NUGGC: variants seen among roughly 807,000 people sequenced by gnomAD.
The protein encoded by NUGGC is nuclear GTPase SLIP-GC.
NUGGC carries 58 observed loss-of-function variants against 92.6 expected under a neutral mutation model. The ratio of observed to expected loss-of-function variants is 0.63; its 90% CI spans 0.51 to 0.78. NUGGC has a LOEUF of 0.78. Among genes scored for constraint, NUGGC ranks in the 30% least tolerant of loss-of-function variants. NUGGC has a pLI of 0.00. For synonymous variants in NUGGC, 376 were observed against 366.4 expected, an observed-to-expected ratio of 1.03 and a Z score of -0.30; for missense variants, 925 against 964.6, an observed-to-expected ratio of 0.96 and a Z score of 0.54.
At chr8:28,047,222 G>C (rs1809862368) in intron 11 of NUGGC, among the ~76,000 whole-genome samples, 1 of 152,074 alleles carries the variant, frequency 6.6e-6, no homozygotes, top group Non-Finnish European at 1.5e-5. Context: ...TACCCACTTT[G>C]GCCTCCCAAA....
intron 13 of NUGGC, among the ~76,000 whole-genome samples, chr8:28,038,924 G>A (rs1809623202): frequency 6.6e-6 from 1 of 152,138 alleles, no homozygotes; most frequent in Non-Finnish European, 1.5e-5. Flanking sequence ...TGGCTGTGAG[G>A]ATGGGATAAG....
chr8:28,039,642 G>A (rs1222868130), intron 13 of NUGGC, among the ~76,000 whole-genome samples: 1 of 152,108 alleles, frequency 6.6e-6, no homozygotes, highest in Non-Finnish European at 1.5e-5. Flanking sequence ...AAGCCTCCAG[G>A]AAGCCAACCA....
At chr8:28,071,439 T>A (rs187729241) in intron 2 of NUGGC, among the ~76,000 whole-genome samples, 7 of 152,270 alleles carry the variant, frequency 4.6e-5, no homozygotes, top group African/African-American at 1.7e-4. Flanking sequence ...AAAATACACA[T>A]GCATTACAAG....
At chr8:28,026,265 A>G (rs1281142280) in intron 18 of NUGGC, among the ~76,000 whole-genome samples, 3 of 152,184 alleles carry the variant, frequency 2.0e-5, no homozygotes, top group African/African-American at 7.2e-5. Flanking sequence ...CTCCCCCCAT[A>G]TAAGGATATC....
At position 28,053,259 on chromosome 8, in the gene NUGGC, G is replaced by C. The variant is rs74834186; in HGVS notation, c.1206+2706C>G. Among the ~76,000 whole-genome samples the C allele has an allele frequency of 5.2e-3, 788 of 152,214 alleles. 5 individuals are homozygous for C. Among genetic ancestry groups the C allele is most frequent in the African/African-American group, 0.018 (738 of 41,524 alleles). On this transcript the variant is annotated intron_variant, in intron 10 of 18. Coordinates refer to ENST00000413272, the MANE Select transcript of NUGGC (RefSeq NM_001010906.2). ...GAATTGCTTGAGCCCAGGAATTAGA[G>C]ACCAGCCTGGGCAACATACCCTGTC...
At chr8:28,038,669 A>T (rs1809616868) in intron 13 of NUGGC, among the ~76,000 whole-genome samples, 1 of 152,176 alleles carries the variant, frequency 6.6e-6, no homozygotes, top group Admixed American at 6.5e-5. Context: ...ATGCAGCAAA[A>T]TTTACTTTTA....
In NUGGC at chr8:28,067,697, C is replaced by T. The variant is rs75455870; in HGVS notation, c.528G>A (p.Thr176=). 3,983 of 1,613,974 alleles carry T rather than the reference C, an allele frequency of 2.5e-3. 56 individuals are homozygous for T. The African/African-American group carries it at 0.038, about 15-fold the overall frequency. Residue 176 remains threonine (T), a synonymous_variant, in exon 6 of 19, where the codon ACG becomes ACA. Coordinates refer to ENST00000413272, the MANE Select transcript of NUGGC (RefSeq NM_001010906.2). ...LKNLTKLLHR[T]EELSREEADA... Reference sequence around the variant, plus strand: ...CTGCCTCTTCTCTGCTCAGCTCCTCCGTCCTATGCAGGAGTTTGGTCAGGT... The same window carrying T: ...CTGCCTCTTCTCTGCTCAGCTCCTCTGTCCTATGCAGGAGTTTGGTCAGGT...
At chr8:28,072,158 A>T (rs560701849) in intron 2 of NUGGC, among the ~76,000 whole-genome samples, 40 of 152,358 alleles carry the variant, frequency 2.6e-4, no homozygotes, top group African/African-American at 9.1e-4. Context: ...TCCACGCTCA[A>T]GCCACAACTG....
Position 28,023,210 on chromosome 8 carries a change from C to A in NUGGC, c.*107G>T, listed in dbSNP as rs1424879527. The A allele has an allele frequency of 2.3e-6, 3 of 1,291,944 alleles. No homozygotes were observed. Among genetic ancestry groups the A allele is most frequent in the Non-Finnish European group, 3.2e-6 (3 of 951,754 alleles). 80.0% of individuals were successfully genotyped at this position (1,291,944 alleles called of 1,614,324 possible). A position where few individuals can be genotyped will look rare whatever the true frequency, so the allele number is the denominator to read the frequency against. On this transcript the variant is annotated 3_prime_UTR_variant, in exon 19 of 19. Transcript: ENST00000413272. ...CTGTGATGGTGCCACTGCACTCCAG[C>A]CTGGGCAACAGAGGTAGATAGATCT...
In NUGGC at chr8:28,033,614, C is replaced by T. The variant is rs1345399541; in HGVS notation, c.1695G>A (p.Ala565=). The change falls in exon 14 of 19, where the codon GCG becomes GCA. Residue 565 remains alanine (A), a synonymous_variant. Coordinates refer to ENST00000413272, the MANE Select transcript of NUGGC (RefSeq NM_001010906.2). ...KNGIYASRTL[A]RIDLNEALTQ... is the part of the protein sequence containing the mutation. ...TGAGGGCTTCATTTAGATCAATTCTCGCCAGAGTCCTGGAGGCATAGATGC... is the reference window on the plus strand; with the variant it reads ...TGAGGGCTTCATTTAGATCAATTCTTGCCAGAGTCCTGGAGGCATAGATGC... 5.0e-6 allele frequency: 8 copies of T among 1,613,842 alleles called. No individual in the cohort carries two copies. Among genetic ancestry groups the T allele is most frequent in the East Asian group, 2.2e-5 (1 of 44,892 alleles).
chr8:28,036,418 G>T (rs17058482), intron 13 of NUGGC, among the ~76,000 whole-genome samples: 15,220 of 151,636 alleles, frequency 0.1, 2,506 homozygotes, highest in African/African-American at 0.35. Flanking sequence ...CCATTCACTG[G>T]TATATGTGCA....
chr8:28,028,125 T>C lies in NUGGC; in HGVS notation c.2155-1073A>G, dbSNP rs375724964. On this transcript the variant is annotated intron_variant, in intron 17 of 18. Transcript: ENST00000413272. The stretch of plus-strand genomic sequence containing the variant: ...GGTCTTGCCCAGTTTTAACTTCCTA[T>C]GTTTCTGTCATTTCAGATACATTTG... 5.9e-5 allele frequency among the ~76,000 whole-genome samples: 9 copies of C among 152,270 alleles called. No individual in the cohort carries two copies. In the East Asian group the frequency reaches 1.2e-3, roughly 20 times the overall value.
intron 7 of NUGGC, among the ~76,000 whole-genome samples, chr8:28,061,660 C>T (rs1810308600): frequency 6.6e-6 from 1 of 152,180 alleles, no homozygotes; most frequent in Admixed American, 6.5e-5. Context: ...AAGTCCAGTA[C>T]AATCGGGGCT....
rs189541232 is a variant in NUGGC, at chr8:28,023,334, G to A, written c.2374C>T (p.Pro792Ser). Residue 792 changes from proline (P) to serine (S), a missense_variant, in exon 19 of 19, where the codon CCC (proline) becomes TCC (serine). By Grantham distance (74) the Pro-to-Ser change is moderately conservative. Transcript: ENST00000413272. ...LRASPSKAGP[P>S]GTSL ...CCCAGGAGTTACAGTGATGTCCCGG[G>A]GGGGCCAGCCTTGCTGGGGGATGCC... 1.2e-6 allele frequency: 2 copies of A among 1,613,650 alleles called. No homozygotes were observed. The highest frequency in any genetic ancestry group is 8.5e-7 in the Non-Finnish European group (1 of 1,179,736).
At chr8:28,055,885 A>G in intron 10 of NUGGC, 80 bp downstream of exon 10, 2 of 762,786 alleles carry the variant, frequency 2.6e-6, no homozygotes, top group Admixed American at 5.1e-5. Flanking sequence ...TTGCAACTAC[A>G]CAATACCAGG....
At chr8:28,038,223 C>T (rs1563216988) in intron 13 of NUGGC, among the ~76,000 whole-genome samples, 2 of 152,186 alleles carry the variant, frequency 1.3e-5, no homozygotes, top group African/African-American at 2.4e-5. Flanking sequence ...GCTCTCCCTT[C>T]TCTAAACATT....
chr8:28,079,481 A>G (rs749056589), intron 1 of NUGGC, among the ~76,000 whole-genome samples: 3 of 152,164 alleles, frequency 2.0e-5, no homozygotes, highest in South Asian at 2.1e-4. Flanking sequence ...TGGAGGTTGC[A>G]GTGAGCCGAG....
At chr8:28,080,906 C>T (rs1338191475) in intron 1 of NUGGC, among the ~76,000 whole-genome samples, 1 of 152,078 alleles carries the variant, frequency 6.6e-6, no homozygotes, top group Non-Finnish European at 1.5e-5. Flanking sequence ...AGTCAGAATG[C>T]CTGGATTTTT....
chr8:28,028,858 C>T (rs1034254721), intron 17 of NUGGC, among the ~76,000 whole-genome samples: 1 of 152,136 alleles, frequency 6.6e-6, no homozygotes, highest in Non-Finnish European at 1.5e-5. Flanking sequence ...GTTTTGAGAT[C>T]GTGCTATTGT....
Sources: allele counts gnomAD v4.1 joint callset (sites outside exome capture counted in the v4.1 genomes callset), GRCh38; gene constraint gnomAD v4.1.1; transcripts MANE v1.5; gene names NCBI Gene and HGNC (gene_info 2026-07-23, HGNC 2026-07-21).